STK16: variants seen among roughly 807,000 people sequenced by gnomAD.
STK16 encodes serine/threonine-protein kinase 16.
Under a neutral mutation model 37.8 loss-of-function variants are expected in STK16, and 28 were observed. The observed-to-expected ratio is 0.74, with a 90% CI of 0.55 to 1.02. The LOEUF (loss-of-function observed/expected upper bound fraction) is 1.02, where lower values mean the gene tolerates loss of function less well. Ranked by LOEUF, STK16 falls within the 50% of genes least tolerant of loss-of-function variation. The pLI, the probability that STK16 is intolerant of heterozygous loss-of-function variation, is 0.00. For synonymous variants in STK16, 134 were observed against 155.0 expected, an observed-to-expected ratio of 0.86 and a Z score of 1.01; for missense variants, 349 against 390.6, an observed-to-expected ratio of 0.89 and a Z score of 0.90.
At chr2:219,247,339 G>C in intron 4 of STK16, 76 bp from the exon 5 acceptor site, 1 of 1,609,802 alleles carries the variant, frequency 6.2e-7, no homozygotes, top group Non-Finnish European at 8.5e-7. Context: ...GAAACAGCCT[G>C]TATGATTCTT....
chr2:219,246,746 G>A lies in STK16; in HGVS notation c.176G>A (p.Arg59Gln), dbSNP rs371178580. ...ATCCTGTGTCACGAGCAGCAGGACC[G>A]GGAGGAGGCCCAGCGAGAAGCCGAC... ...KRILCHEQQD[R>Q]EEAQREADMH... Residue 59 changes from arginine to glutamine, a missense_variant, in exon 3 of 8, where the codon CGG (arginine) becomes CAG (glutamine). Coordinates refer to ENST00000396738, the MANE Select transcript of STK16 (RefSeq NM_001330213.2). This position sits in a 1 kb window ranked among gnomAD's most constrained non-coding sequence, Gnocchi z 4.5. 54 of 1,614,074 alleles carry A rather than the reference G, an allele frequency of 3.3e-5. No homozygotes were observed. The highest frequency in any genetic ancestry group is 2.4e-4 in the African/African-American group (18 of 74,930).
In STK16 at chr2:219,245,706, G is replaced by T. The variant is rs1951513832; in HGVS notation, c.-195G>T. The T allele has an allele frequency of 2.6e-5, 6 of 233,144 alleles. No individual in the cohort carries two copies. The South Asian group carries it at 4.5e-4, about 18-fold the overall frequency. 14.4% of individuals were successfully genotyped at this position (233,144 alleles called of 1,614,324 possible). A position where few individuals can be genotyped will look rare whatever the true frequency, so the allele number is the denominator to read the frequency against. ...GGGCTGGGGTTGGAGGAAGTGGCCC[G>T]GTAGCCGCTGTGTGTCCTGAGGCCG... On this transcript the variant is annotated 5_prime_UTR_variant, in exon 1 of 8. Transcript: ENST00000396738.
chr2:219,250,229 CAGCATGAAGGGGAAGGCAGCAGA>C lies in STK16; in HGVS notation c.*1674_*1696del. On this transcript the variant is annotated 3_prime_UTR_variant, in exon 8 of 8. Coordinates refer to ENST00000396738, the MANE Select transcript of STK16 (RefSeq NM_001330213.2). This position sits in a 1 kb window ranked among gnomAD's most constrained non-coding sequence, Gnocchi z 8.4. The stretch of plus-strand genomic sequence containing the variant: ...TCATGAACAGCAAACAGAGCAGCAG[CAGCATGAAGGGGAAGGCAGCAGA>C]AGCTCAAGCACTCAGAGGGAACAAG... The C allele has an allele frequency of 7.3e-7, 1 of 1,364,466 alleles. No individual in the cohort carries two copies. Among genetic ancestry groups the C allele is most frequent in the Non-Finnish European group, 1.0e-6 (1 of 993,446 alleles). The allele number at this position is 1,364,466 out of a possible 1,614,324, so 84.5% of individuals were successfully genotyped here. A position where few individuals can be genotyped will look rare whatever the true frequency, so the allele number is the denominator to read the frequency against.
chr2:219,246,528 C>G lies in STK16; in HGVS notation c.87-129C>G, dbSNP rs750546704. 21 of 752,288 alleles carry G rather than the reference C, an allele frequency of 2.8e-5. No individual in the cohort carries two copies. The highest frequency in any genetic ancestry group is 4.8e-5 in the Non-Finnish European group (20 of 416,818). 46.6% of individuals were successfully genotyped at this position (752,288 alleles called of 1,614,324 possible). A position where few individuals can be genotyped will look rare whatever the true frequency, so the allele number is the denominator to read the frequency against. On this transcript the variant is annotated intron_variant, in intron 2 of 7. Coordinates refer to ENST00000396738, the MANE Select transcript of STK16 (RefSeq NM_001330213.2). The surrounding 1 kb of genome is among the most constrained non-coding windows in gnomAD (Gnocchi z 4.5). Reference sequence around the variant, plus strand: ...ACGGTGTAATATTCTTCAGATTTCTCTTAGAGCCACATCTTGGGAAGGTTT... The same window carrying G: ...ACGGTGTAATATTCTTCAGATTTCTGTTAGAGCCACATCTTGGGAAGGTTT...
chr2:219,247,268 G>C (rs1320013678), intron 4 of STK16, 22 bp downstream of exon 4: 1 of 1,613,400 alleles, frequency 6.2e-7, no homozygotes, highest in Non-Finnish European at 8.5e-7. Context: ...GACCCTGTGT[G>C]CTTGCTGGGG....
At position 219,249,620 on chromosome 2, in the gene STK16, T is replaced by C. The variant is rs1362102987; in HGVS notation, c.*1061T>C. ...TCAGCATGGGGCCTGGGGCTCCTGT[T>C]AGCAAAGTTGAAGCTTTCCCCAGGG... is the stretch of plus-strand genomic sequence containing the variant. On this transcript the variant is annotated 3_prime_UTR_variant, in exon 8 of 8. Coordinates refer to ENST00000396738, the MANE Select transcript of STK16 (RefSeq NM_001330213.2). 6.6e-6 allele frequency: 1 copy of C among 152,292 alleles called. No homozygotes were observed. Among genetic ancestry groups the C allele is most frequent in the East Asian group, 1.9e-4 (1 of 5,196 alleles). The allele number at this position is 152,292 out of a possible 1,614,324, so 9.4% of individuals were successfully genotyped here.
At position 219,248,711 on chromosome 2, in the gene STK16, C is replaced by T. The variant is rs1241649158; in HGVS notation, c.*152C>T. 6 of 794,366 alleles carry T rather than the reference C, an allele frequency of 7.6e-6. No individual in the cohort carries two copies. Among genetic ancestry groups the T allele is most frequent in the South Asian group, 2.1e-5 (1 of 47,668 alleles). 49.2% of individuals were successfully genotyped at this position (794,366 alleles called of 1,614,324 possible). ...TCTCAGTCCTGCATCTTTTCTTCTG[C>T]TTTCTTCCCTCCAAGAGCAAAACCT... On this transcript the variant is annotated 3_prime_UTR_variant, in exon 8 of 8. Coordinates refer to ENST00000396738, the MANE Select transcript of STK16 (RefSeq NM_001330213.2).
Position 219,250,036 on chromosome 2 carries a change from G to T in STK16, c.*1477G>T, listed in dbSNP as rs183276392. ...ACTGGATTATACTCCTACTTGGAAA[G>T]GAGCTGAAGACTCATCCTTCAACAG... is the stretch of plus-strand genomic sequence containing the variant. On this transcript the variant is annotated 3_prime_UTR_variant, in exon 8 of 8. Coordinates refer to ENST00000396738, the MANE Select transcript of STK16 (RefSeq NM_001330213.2). The surrounding 1 kb of genome is among the most constrained non-coding windows in gnomAD (Gnocchi z 8.4). 4 of 305,248 alleles carry T rather than the reference G, an allele frequency of 1.3e-5. No homozygotes were observed. The East Asian group carries it at 2.6e-4, about 20-fold the overall frequency. 18.9% of individuals were successfully genotyped at this position (305,248 alleles called of 1,614,324 possible). A position where few individuals can be genotyped will look rare whatever the true frequency, so the allele number is the denominator to read the frequency against.
chr2:219,248,374 T>G, intron 7 of STK16, 47 bp from the exon 8 acceptor site: 1 of 1,612,844 alleles, frequency 6.2e-7, no homozygotes, highest in Non-Finnish European at 8.5e-7. Context: ...ATTAGCTGAG[T>G]TGACAGATAG....
chr2:219,246,687 G>T lies in STK16; in HGVS notation c.117G>T (p.Gly39=). The change falls in exon 3 of 8, where the codon GGG becomes GGT. Residue 39 remains glycine (G), a synonymous_variant. Transcript: ENST00000396738. This position sits in a 1 kb window ranked among gnomAD's most constrained non-coding sequence, Gnocchi z 4.5. ...TCAGCTATGTGGACCTAGTGGAAGG[G>T]TTACATGATGGACACTTCTACGCCC... ...GGFSYVDLVE[G]LHDGHFYALK... is the part of the protein sequence containing the mutation. 1 of 1,614,230 alleles carries T rather than the reference G, an allele frequency of 6.2e-7. No homozygotes were observed. Among genetic ancestry groups the T allele is most frequent in the Non-Finnish European group, 8.5e-7 (1 of 1,180,044 alleles).
Position 219,249,350 on chromosome 2 carries a change from T to G in STK16, c.*791T>G, listed in dbSNP as rs931375299. The G allele has an allele frequency of 2.0e-5, 3 of 152,242 alleles. No homozygotes were observed. Among genetic ancestry groups the G allele is most frequent in the African/African-American group, 7.2e-5 (3 of 41,436 alleles). 9.4% of individuals were successfully genotyped at this position (152,242 alleles called of 1,614,324 possible). On this transcript the variant is annotated 3_prime_UTR_variant, in exon 8 of 8. Transcript: ENST00000396738. ...GTTTTGGCCTGTGTCTCCCTGATCGTTCAAGCTCATACATGGTTAATGATT... is the reference window on the plus strand; with the variant it reads ...GTTTTGGCCTGTGTCTCCCTGATCGGTCAAGCTCATACATGGTTAATGATT...
At chr2:219,248,048 G>A (rs1951576288) in intron 6 of STK16, 145 bp from the exon 7 acceptor site, 4 of 1,293,856 alleles carry the variant, frequency 3.1e-6, no homozygotes, top group Non-Finnish European at 4.3e-6. Flanking sequence ...CAGCTGACTG[G>A]CAGTTTCTCT....
chr2:219,247,686 A>G lies in STK16; in HGVS notation c.586A>G (p.Ile196Val), dbSNP rs745855653. 23 of 1,610,616 alleles carry G rather than the reference A, an allele frequency of 1.4e-5. No homozygotes were observed. The highest frequency in any genetic ancestry group is 1.9e-5 in the Non-Finnish European group (22 of 1,177,636). ...GGACTGGGCAGCCCAGCGGTGCACC[A>G]TCTCCTACCGAGCCCCAGAGCTCTT... ...LQDWAAQRCT[I>V]SYRAPELFSV... Residue 196 changes from isoleucine (I) to valine (V), a missense_variant, in exon 6 of 8, where the codon ATC (isoleucine) becomes GTC (valine). Physicochemically the swap from Ile to Val is conservative, Grantham distance 29. Transcript: ENST00000396738.
rs1333404166 is a variant in STK16 at position 219,245,520 on chromosome 2, C to T, written c.-381C>T. 6.5e-6 allele frequency: 1 copy of T among 153,492 alleles called. No homozygotes were observed. Among genetic ancestry groups the T allele is most frequent in the Non-Finnish European group, 1.5e-5 (1 of 68,432 alleles). The allele number at this position is 153,492 out of a possible 1,614,324, so 9.5% of individuals were successfully genotyped here. On this transcript the variant is annotated 5_prime_UTR_variant, in exon 1 of 8. Coordinates refer to ENST00000396738, the MANE Select transcript of STK16 (RefSeq NM_001330213.2). ...GGTGGCGCTTCTCTCTGGCCCGAGC[C>T]AGGTCAGTCCGGCAGTGCAGATGGC...
rs774843362 is a variant in STK16 at position 219,248,429 on chromosome 2, C to T, written c.788C>T (p.Ser263Leu). The T allele has an allele frequency of 1.2e-6, 2 of 1,613,712 alleles. No individual in the cohort carries two copies. Among genetic ancestry groups the T allele is most frequent in the Non-Finnish European group, 1.7e-6 (2 of 1,179,818 alleles). Residue 263 changes from serine to leucine, a missense_variant, in exon 8 of 8, where the codon TCA becomes TTA. Ser to Leu is a moderately radical substitution (Grantham distance 145). Transcript: ENST00000396738. ...LSIPQSPRHS[S>L]ALRQLLNSMM... ...GGCTCCTCCCTCCACAGGCATTCTTCAGCATTGCGGCAGCTCCTGAACTCG... is the reference window on the plus strand; with the variant it reads ...GGCTCCTCCCTCCACAGGCATTCTTTAGCATTGCGGCAGCTCCTGAACTCG...
Position 219,246,990 on chromosome 2 carries a change from T to C in STK16, c.306+114T>C. 6.5e-7 allele frequency: 1 copy of C among 1,536,542 alleles called. No homozygotes were observed. The highest frequency in any genetic ancestry group is 8.8e-7 in the Non-Finnish European group (1 of 1,134,404). ...GACCATGTCCTGGGTTTGGCCACTTTAGATTTTGAGTTTGAGGTGTGTATC... is the reference window on the plus strand; with the variant it reads ...GACCATGTCCTGGGTTTGGCCACTTCAGATTTTGAGTTTGAGGTGTGTATC... On this transcript the variant is annotated intron_variant, in intron 3 of 7. Coordinates refer to ENST00000396738, the MANE Select transcript of STK16 (RefSeq NM_001330213.2). This position sits in a 1 kb window ranked among gnomAD's most constrained non-coding sequence, Gnocchi z 4.5.
Position 219,245,906 on chromosome 2 carries a change from T to C in STK16, c.-94T>C. 1.0e-6 allele frequency: 1 copy of C among 965,392 alleles called. No homozygotes were observed. Among genetic ancestry groups the C allele is most frequent in the Non-Finnish European group, 1.6e-6 (1 of 623,736 alleles). The allele number at this position is 965,392 out of a possible 1,614,324, so 59.8% of individuals were successfully genotyped here. On this transcript the variant is annotated 5_prime_UTR_variant, in exon 2 of 8. Coordinates refer to ENST00000396738, the MANE Select transcript of STK16 (RefSeq NM_001330213.2). Reference sequence around the variant, plus strand: ...TTGTTTTCTTTCCAGCATGATCCGCTGGGCCCCCAGCGCATCTCCTGGAAG... The same window carrying C: ...TTGTTTTCTTTCCAGCATGATCCGCCGGGCCCCCAGCGCATCTCCTGGAAG...
chr2:219,250,282 C>T lies in STK16; in HGVS notation c.*1723C>T, dbSNP rs1012298996. ...CAAGCACTCAGAGGGAACAAGAAACCGTGCAAGGAAACTGTTTATTTCGAA... is the reference window on the plus strand; with the variant it reads ...CAAGCACTCAGAGGGAACAAGAAACTGTGCAAGGAAACTGTTTATTTCGAA... On this transcript the variant is annotated 3_prime_UTR_variant, in exon 8 of 8. Transcript: ENST00000396738. The surrounding 1 kb of genome is among the most constrained non-coding windows in gnomAD (Gnocchi z 8.4). 5.2e-6 allele frequency: 8 copies of T among 1,539,572 alleles called. No individual in the cohort carries two copies. Among genetic ancestry groups the T allele is most frequent in the Admixed American group, 4.0e-5 (2 of 49,418 alleles).
At position 219,248,588 on chromosome 2, in the gene STK16, T is replaced by C; in HGVS notation, c.*29T>C. ...AGCAGCATGTTGAGAAGATGGCCCC[T>C]TGTGCCTTGGAAAGAGGTTCCCATC... On this transcript the variant is annotated 3_prime_UTR_variant, in exon 8 of 8. Transcript: ENST00000396738. The C allele has an allele frequency of 6.3e-7, 1 of 1,581,770 alleles. No homozygotes were observed. The highest frequency in any genetic ancestry group is 8.6e-7 in the Non-Finnish European group (1 of 1,162,582).
Sources: allele counts gnomAD v4.1 joint callset, GRCh38; gene constraint gnomAD v4.1.1; non-coding constraint Gnocchi (gnomAD v3.1); transcripts MANE v1.5; gene names NCBI Gene and HGNC (gene_info 2026-07-23, HGNC 2026-07-21).